GLIS3: variants seen among roughly 807,000 people sequenced by gnomAD.
GLIS3 encodes the protein zinc finger protein GLIS3.
A neutral mutation model predicts 78.6 loss-of-function variants in GLIS3; 53 were observed. The ratio of observed to expected loss-of-function variants is 0.67; its 90% CI spans 0.54 to 0.85. The LOEUF (loss-of-function observed/expected upper bound fraction) is 0.85. Among genes scored for constraint, GLIS3 ranks in the 40% least tolerant of loss-of-function variants. The pLI is 0.00. For missense variants in GLIS3, 1,703 were observed against 1,231.1 expected, an observed-to-expected ratio of 1.38 and a Z score of -5.74; for synonymous variants, 684 against 509.9, an observed-to-expected ratio of 1.34 and a Z score of -4.60.
intron 2 of GLIS3, among the ~76,000 whole-genome samples, chr9:4,246,697 T>G (rs1823835154): frequency 6.6e-6 from 1 of 152,206 alleles, no homozygotes; most frequent in Non-Finnish European, 1.5e-5. Context: ...ATGTAAGAGC[T>G]GGTCTCATCC....
chr9:4,179,111 G>A (rs192005730), intron 2 of GLIS3, among the ~76,000 whole-genome samples: 10 of 152,180 alleles, frequency 6.6e-5, no homozygotes, highest in East Asian at 5.8e-4. Flanking sequence ...ACATTGTTTC[G>A]CCTCGGTATC....
chr9:3,969,964 C>T (rs1321015915), intron 4 of GLIS3, among the ~76,000 whole-genome samples: 1 of 152,190 alleles, frequency 6.6e-6, no homozygotes, highest in Non-Finnish European at 1.5e-5. Flanking sequence ...TGGACAAATG[C>T]TACCTATGAT....
chr9:4,074,505 A>G (rs1296281929), intron 4 of GLIS3, among the ~76,000 whole-genome samples: 3 of 152,124 alleles, frequency 2.0e-5, no homozygotes, highest in South Asian at 4.1e-4. Flanking sequence ...TCTGTGATCA[A>G]TGTCCTAAGC....
At position 4,008,138 on chromosome 9, in the gene GLIS3, C is replaced by G. The variant is rs535250225; in HGVS notation, c.1711-70949G>C. On this transcript the variant is annotated intron_variant, in intron 4 of 10. Coordinates refer to ENST00000381971, the MANE Select transcript of GLIS3 (RefSeq NM_001042413.2). Reference sequence around the variant, plus strand: ...GAAATATTTGTTGACCATAAAAGGCCTGAGAGTGGCTGAGAGTGGGCTTGG... The same window carrying G: ...GAAATATTTGTTGACCATAAAAGGCGTGAGAGTGGCTGAGAGTGGGCTTGG... 4.6e-4 allele frequency among the ~76,000 whole-genome samples: 70 copies of G among 152,280 alleles called. 1 individual carries two copies. Among genetic ancestry groups the G allele is most frequent in the African/African-American group, 1.6e-3 (66 of 41,552 alleles).
intron 4 of GLIS3, among the ~76,000 whole-genome samples, chr9:4,007,540 G>A (rs1046624544): frequency 6.6e-6 from 1 of 152,022 alleles, no homozygotes; most frequent in Non-Finnish European, 1.5e-5. Context: ...CCATCTCAGG[G>A]ATAGCTGGAA....
At chr9:4,364,979 A>G in the GLIS3 span, among the ~76,000 whole-genome samples, 1 of 151,952 alleles carries the variant, frequency 6.6e-6, no homozygotes, top group Non-Finnish European at 1.5e-5. Context: ...AAAACTACAC[A>G]GTGATTTTTA....
chr9:4,413,121 A>G, the GLIS3 span, among the ~76,000 whole-genome samples: 1 of 152,232 alleles, frequency 6.6e-6, no homozygotes, highest in Non-Finnish European at 1.5e-5. Flanking sequence ...TATTAAAGGC[A>G]GGTAATCATA....
chr9:4,261,804 T>C (rs1223284673), intron 2 of GLIS3, among the ~76,000 whole-genome samples: 1 of 152,172 alleles, frequency 6.6e-6, no homozygotes. Flanking sequence ...AAATAGGTCC[T>C]TTTCACTCTC....
At chr9:4,456,602 G>A in the GLIS3 span, among the ~76,000 whole-genome samples, 1 of 152,206 alleles carries the variant, frequency 6.6e-6, no homozygotes, top group Non-Finnish European at 1.5e-5. Context: ...AAGAGGCCTA[G>A]CTTTCAGCCT....
intron 2 of GLIS3, among the ~76,000 whole-genome samples, chr9:4,344,948 C>T (rs770808935): frequency 6.6e-6 from 1 of 152,200 alleles, no homozygotes; most frequent in Non-Finnish European, 1.5e-5. Context: ...CACTCCATTC[C>T]AAGTTGTACT....
the GLIS3 span, among the ~76,000 whole-genome samples, chr9:4,479,904 C>CTTTTT: frequency 3.6e-4 from 39 of 108,708 alleles, no homozygotes; most frequent in East Asian, 7.3e-4. Flanking sequence ...ATTTCTTCTT[C>CTTTTT]TTTTTTTTTT....
chr9:4,242,227 T>C (rs1295293621), intron 2 of GLIS3, among the ~76,000 whole-genome samples: 1 of 152,008 alleles, frequency 6.6e-6, no homozygotes, highest in South Asian at 2.1e-4. Context: ...ACGCTACCAT[T>C]TATGGTTCCC....
intron 9 of GLIS3, chr9:3,855,774 C>T: frequency 1.9e-6 from 1 of 517,832 alleles, no homozygotes; most frequent in Non-Finnish European, 3.5e-6. Context: ...ATGAAAAAAC[C>T]AGCAACTTGA....
intron 3 of GLIS3, among the ~76,000 whole-genome samples, chr9:4,120,480 C>G (rs1832092368): frequency 6.6e-6 from 1 of 152,156 alleles, no homozygotes; most frequent in African/African-American, 2.4e-5. Context: ...GTTTTTAATT[C>G]CCCACGGACA....
chr9:3,944,255 T>C (rs542405619), intron 4 of GLIS3, among the ~76,000 whole-genome samples: 14 of 152,304 alleles, frequency 9.2e-5, no homozygotes, highest in Admixed American at 2.6e-4. Context: ...TGTGGCAACA[T>C]TTGAACCATA....
chr9:4,048,922 T>C (rs1825479778), intron 4 of GLIS3, among the ~76,000 whole-genome samples: 1 of 152,208 alleles, frequency 6.6e-6, no homozygotes, highest in Admixed American at 6.5e-5. Flanking sequence ...TACTGCATGC[T>C]TTCACTTTGA....
chr9:4,033,010 C>T (rs1341744586), intron 4 of GLIS3, among the ~76,000 whole-genome samples: 3 of 152,232 alleles, frequency 2.0e-5, no homozygotes, highest in South Asian at 2.1e-4. Context: ...CCCGCCACCA[C>T]GCCTGGCTAA....
chr9:4,489,128 A>G, the GLIS3 span, among the ~76,000 whole-genome samples: 14 of 152,018 alleles, frequency 9.2e-5, no homozygotes, highest in Admixed American at 8.5e-4. Context: ...CGGACTCCCA[A>G]AGTCCTGAGA....
chr9:4,254,006 C>T (rs367567947), intron 2 of GLIS3, among the ~76,000 whole-genome samples: 1 of 152,332 alleles, frequency 6.6e-6, no homozygotes, highest in African/African-American at 2.4e-5. Flanking sequence ...CACCTGCCTT[C>T]TGCCTCATTG....
Sources: gnomAD v4.1 joint callset for allele counts (sites outside exome capture counted in the v4.1 genomes callset) on GRCh38, gnomAD v4.1.1 for gene constraint, MANE v1.5 for transcripts, NCBI Gene and HGNC (gene_info 2026-07-23, HGNC 2026-07-21) for gene names.